Variants in MELK observed in about 807,000 individuals in gnomAD.
The protein encoded by MELK is pEg3 kinase.
MELK carries 81 observed loss-of-function variants against 85.0 expected under a neutral mutation model. The ratio of observed to expected loss-of-function variants is 0.95; its 90% CI spans 0.80 to 1.15. The LOEUF (loss-of-function observed/expected upper bound fraction) is 1.15. Among genes scored for constraint, MELK ranks in the 50% most tolerant of loss-of-function variants. The pLI, the probability that MELK is intolerant of heterozygous loss-of-function variation, is 0.00. For synonymous variants in MELK, 252 were observed against 265.0 expected, an observed-to-expected ratio of 0.95 and a Z score of 0.48; for missense variants, 754 against 777.5, an observed-to-expected ratio of 0.97 and a Z score of 0.36.
chr9:36,590,982 C>G (rs539250177), intron 4 of MELK, among the ~76,000 whole-genome samples: 2 of 152,108 alleles, frequency 1.3e-5, no homozygotes, highest in East Asian at 3.9e-4. Context: ...ATTCCAGCTC[C>G]TCAGGAGGCT....
chr9:36,598,583 A>G (rs532769005), intron 6 of MELK, among the ~76,000 whole-genome samples: 5 of 152,258 alleles, frequency 3.3e-5, no homozygotes, highest in East Asian at 1.9e-4. Context: ...ACTGGAAGCT[A>G]AGGGAGTGAT....
chr9:36,616,816 CT>C (rs1826873272), intron 8 of MELK, among the ~76,000 whole-genome samples: 2 of 146,098 alleles, frequency 1.4e-5, no homozygotes, highest in African/African-American at 5.3e-5. Flanking sequence ...CTGCTACCCC[CT>C]TCCCAGTTTT....
intron 10 of MELK, among the ~76,000 whole-genome samples, chr9:36,639,373 T>C (rs1412697041): frequency 6.6e-6 from 1 of 152,234 alleles, no homozygotes; most frequent in Non-Finnish European, 1.5e-5. Context: ...GAGTGAACTA[T>C]TAAAAAAAAT....
At chr9:36,651,467 G>GA in intron 11 of MELK, among the ~76,000 whole-genome samples, 1 of 152,168 alleles carries the variant, frequency 6.6e-6, no homozygotes, top group East Asian at 1.9e-4. Flanking sequence ...ATCTGAAGCT[G>GA]AAAAAAATTT....
intron 8 of MELK, among the ~76,000 whole-genome samples, chr9:36,615,290 G>C (rs1336970143): frequency 7.8e-6 from 1 of 127,390 alleles, no homozygotes; most frequent in Non-Finnish European, 1.6e-5. Flanking sequence ...CTGGCCAGGC[G>C]GGGGGCTGAT....
intron 1 of MELK, among the ~76,000 whole-genome samples, chr9:36,576,149 C>G (rs1799624269): frequency 6.6e-6 from 1 of 152,160 alleles, no homozygotes; most frequent in African/African-American, 2.4e-5. Context: ...TAAATTTGTC[C>G]TCTGTGATAT....
chr9:36,597,078 T>G, intron 5 of MELK, 144 bp from the exon 6 acceptor site: 1 of 606,980 alleles, frequency 1.6e-6, no homozygotes, highest in East Asian at 2.9e-5. Context: ...GCTCAAATAA[T>G]CCTCTCTCAT....
At chr9:36,664,808 T>C (rs1832175950) in intron 13 of MELK, among the ~76,000 whole-genome samples, 1 of 152,250 alleles carries the variant, frequency 6.6e-6, no homozygotes, top group South Asian at 2.1e-4. Context: ...AGAAGATAGC[T>C]GCCCTTAGGG....
chr9:36,593,079 T>G (rs1823797690), intron 4 of MELK, among the ~76,000 whole-genome samples: 1 of 152,238 alleles, frequency 6.6e-6, no homozygotes, highest in African/African-American at 2.4e-5. Context: ...AGGCTTCTTT[T>G]GCTCAGCATA....
intron 5 of MELK, among the ~76,000 whole-genome samples, chr9:36,596,552 C>T (rs1303615593): frequency 1.0e-4 from 15 of 149,812 alleles, no homozygotes; most frequent in African/African-American, 3.2e-4. Context: ...CCACTGCGCC[C>T]GGCCCTTTTT....
chr9:36,604,751 C>T (rs1019731202), intron 7 of MELK, among the ~76,000 whole-genome samples: 1 of 151,774 alleles, frequency 6.6e-6, no homozygotes, highest in African/African-American at 2.4e-5. Flanking sequence ...TCAAGCGATT[C>T]TCCTGCCTCA....
intron 3 of MELK, among the ~76,000 whole-genome samples, chr9:36,584,724 T>TTC (rs1333148526): frequency 2.0e-5 from 3 of 148,024 alleles, no homozygotes; most frequent in Admixed American, 2.0e-4. Context: ...CCTAGCTTTT[T>TTC]TTTTTTTTTT....
intron 1 of MELK, among the ~76,000 whole-genome samples, chr9:36,580,406 G>A (rs975821495): frequency 4.0e-5 from 6 of 151,422 alleles, no homozygotes; most frequent in African/African-American, 1.5e-4. Context: ...TGCAACCTCC[G>A]CCTCCCAGGT....
Position 36,652,605 on chromosome 9 carries a change from C to CT in MELK, c.1053+729dup, listed in dbSNP as rs1246146120. Among the ~76,000 whole-genome samples the CT allele has an allele frequency of 3.3e-5, 5 of 151,716 alleles. No homozygotes were observed. The South Asian group carries it at 8.3e-4, about 25-fold the overall frequency. ...ATTAGCCAGGCGTGGTGATGAGTGC[C>CT]TGTAGTCCCAGCTACTTGGGAGGAT... On this transcript the variant is annotated intron_variant, in intron 12 of 17. Transcript: ENST00000298048.
At chr9:36,598,862 G>A (rs918674220) in intron 6 of MELK, among the ~76,000 whole-genome samples, 4 of 152,198 alleles carry the variant, frequency 2.6e-5, no homozygotes, top group Non-Finnish European at 5.9e-5. Flanking sequence ...GTTCATGCCA[G>A]GTTGTAGTGG....
chr9:36,607,632 T>C lies in MELK; in HGVS notation c.625T>C (p.Phe209Leu). The change falls in exon 8 of 18, where the codon TTT becomes CTT. Residue 209 changes from phenylalanine to leucine, a missense_variant. Coordinates refer to ENST00000298048, the MANE Select transcript of MELK (RefSeq NM_014791.4). ...TGTTCTTATGTGTGGATTTCTACCA[T>C]TTGATGATGATAATGTAATGGCTTT... ...LYVLMCGFLP[F>L]DDDNVMALYK... The C allele has an allele frequency of 6.2e-7, 1 of 1,611,884 alleles. No homozygotes were observed. Among genetic ancestry groups the C allele is most frequent in the Non-Finnish European group, 8.5e-7 (1 of 1,178,048 alleles).
In MELK at chr9:36,594,766, A is replaced by G. The variant is rs1274436447; in HGVS notation, c.400A>G (p.Lys134Glu). 6.2e-7 allele frequency: 1 copy of G among 1,612,844 alleles called. No homozygotes were observed. The highest frequency in any genetic ancestry group is 8.5e-7 in the Non-Finnish European group (1 of 1,179,640). ...HSQGYAHRDL[K>E]PENLLFDEYH... is the part of the protein sequence containing the mutation. Reference sequence around the variant, plus strand: ...CCAGGGCTATGCTCACAGGGACCTCAAGCCAGTAAGTGACTGCATCACAGT... The same window carrying G: ...CCAGGGCTATGCTCACAGGGACCTCGAGCCAGTAAGTGACTGCATCACAGT... The change falls in exon 5 of 18, where the codon AAG becomes GAG. Residue 134 changes from lysine (K) to glutamate (E), a missense_variant. Coordinates refer to ENST00000298048, the MANE Select transcript of MELK (RefSeq NM_014791.4).
chr9:36,620,095 T>G (rs1827250915), intron 8 of MELK, among the ~76,000 whole-genome samples: 4 of 152,130 alleles, frequency 2.6e-5, no homozygotes, highest in Admixed American at 1.3e-4. Context: ...TTCAGGGTCT[T>G]ATAGCTAGTG....
At chr9:36,639,632 G>A (rs562277311) in intron 10 of MELK, among the ~76,000 whole-genome samples, 2 of 152,302 alleles carry the variant, frequency 1.3e-5, no homozygotes, top group South Asian at 2.1e-4. Flanking sequence ...GATTCAGAGC[G>A]CTTTAAGTAT....
Sources: gnomAD v4.1 joint callset for allele counts (sites outside exome capture counted in the v4.1 genomes callset) on GRCh38, gnomAD v4.1.1 for gene constraint, MANE v1.5 for transcripts, NCBI Gene and HGNC (gene_info 2026-07-23, HGNC 2026-07-21) for gene names.